The following SOX5 variants were observed in gnomAD, a reference collection of about 807,000 sequenced individuals.
The protein encoded by SOX5 is SRY-box transcription factor 5, also known as transcription factor SOX-5.
In SOX5, 9 loss-of-function variants were observed where a neutral mutation model predicts 92.0. That is an observed-to-expected ratio of 0.10 (90% CI 0.06 to 0.17). The LOEUF (loss-of-function observed/expected upper bound fraction) is 0.17, where lower values mean the gene tolerates loss of function less well. Among genes scored for constraint, SOX5 ranks in the 10% least tolerant of loss-of-function variants. The pLI is 1.00. For synonymous variants in SOX5, 344 were observed against 336.3 expected, an observed-to-expected ratio of 1.02 and a Z score of -0.25; for missense variants, 642 against 944.5, an observed-to-expected ratio of 0.68 and a Z score of 4.20.
At chr12:23,813,351 C>T (rs200223730) in intron 3 of SOX5, among the ~76,000 whole-genome samples, 1 of 152,028 alleles carries the variant, frequency 6.6e-6, no homozygotes, top group East Asian at 1.9e-4. Flanking sequence ...CTCTCTCCCA[C>T]GCACATAACT....
intron 4 of SOX5, among the ~76,000 whole-genome samples, chr12:24,022,787 G>T (rs1423237570): frequency 1.3e-5 from 2 of 152,046 alleles, no homozygotes; most frequent in African/African-American, 4.8e-5. Flanking sequence ...AAATTAAACT[G>T]AAAAGCATTT....
chr12:23,577,176 C>CACATATATATAT (rs1273547543), intron 9 of SOX5, among the ~76,000 whole-genome samples: 1 of 76,968 alleles, frequency 1.3e-5, no homozygotes, highest in African/African-American at 4.8e-5. Context: ...CACACACACA[C>CACATATATATAT]ATATATATAT....
At chr12:23,974,528 T>C (rs941996745) in intron 4 of SOX5, among the ~76,000 whole-genome samples, 1 of 152,218 alleles carries the variant, frequency 6.6e-6, no homozygotes, top group African/African-American at 2.4e-5. Context: ...GGAATCAGCA[T>C]AGATAAAGTC....
At position 24,339,878 on chromosome 12, in the gene SOX5, G is replaced by A. The variant is rs1952373003; in HGVS notation, c.-174+28685C>T. Among the ~76,000 whole-genome samples the A allele has an allele frequency of 2.0e-5, 3 of 152,352 alleles. No homozygotes were observed. In the South Asian group the frequency reaches 6.2e-4, roughly 32 times the overall value. The stretch of plus-strand genomic sequence containing the variant: ...ACAATTGAGCCACTTCTGGAAAGAG[G>A]AAATTCCCTCAGCTGAAAGGCACTG... On this transcript the variant is annotated intron_variant, in intron 2 of 4. Coordinates refer to the SOX5 transcript ENST00000446891.
At chr12:23,562,951 T>C (rs1946467878) in intron 11 of SOX5, among the ~76,000 whole-genome samples, 2 of 152,208 alleles carry the variant, frequency 1.3e-5, no homozygotes, top group Non-Finnish European at 2.9e-5. Flanking sequence ...TAAGCATCTC[T>C]GAAAAGCAAA....
chr12:23,770,779 C>T (rs1348813793), intron 3 of SOX5, among the ~76,000 whole-genome samples: 1 of 152,100 alleles, frequency 6.6e-6, no homozygotes, highest in African/African-American at 2.4e-5. Flanking sequence ...CATTCTTTAT[C>T]CCATGCAGTT....
intron 6 of SOX5, among the ~76,000 whole-genome samples, chr12:23,720,860 T>A (rs12827848): frequency 1.3e-5 from 2 of 151,862 alleles, no homozygotes; most frequent in Non-Finnish European, 2.9e-5. Context: ...CTCGGCACAA[T>A]TGCTCTTATT....
At chr12:24,181,701 T>C (rs12367227) in intron 4 of SOX5, among the ~76,000 whole-genome samples, 22,568 of 152,134 alleles carry the variant, frequency 0.15, 1,970 homozygotes, top group African/African-American at 0.23. Context: ...ATTGTTATTG[T>C]TGTTTTTCTA....
At chr12:24,208,251 T>A (rs2139636691) in intron 4 of SOX5, among the ~76,000 whole-genome samples, 1 of 152,260 alleles carries the variant, frequency 6.6e-6, no homozygotes, top group Non-Finnish European at 1.5e-5. Context: ...CAGAGTGACA[T>A]CATAAGAATT....
At chr12:24,015,496 A>G (rs1351163526) in intron 4 of SOX5, among the ~76,000 whole-genome samples, 1 of 152,176 alleles carries the variant, frequency 6.6e-6, no homozygotes, top group East Asian at 1.9e-4. Context: ...GTGACACAGA[A>G]CATTATTGTT....
intron 1 of SOX5, among the ~76,000 whole-genome samples, chr12:23,904,846 C>A (rs977160666): frequency 1.3e-5 from 2 of 152,148 alleles, no homozygotes; most frequent in African/African-American, 2.4e-5. Flanking sequence ...TCTTCACCAC[C>A]TTTTTGCTCT....
intron 6 of SOX5, among the ~76,000 whole-genome samples, chr12:23,714,019 G>T (rs958327219): frequency 9.3e-5 from 14 of 150,834 alleles, no homozygotes; most frequent in Admixed American, 9.3e-4. Context: ...TTGAACCTAG[G>T]GGGCAGAGGT....
intron 4 of SOX5, among the ~76,000 whole-genome samples, chr12:24,124,295 T>C (rs1183071479): frequency 6.6e-6 from 1 of 152,162 alleles, no homozygotes; most frequent in Non-Finnish European, 1.5e-5. Context: ...ACCATCTGCA[T>C]AGAAATTACT....
intron 2 of SOX5, among the ~76,000 whole-genome samples, chr12:24,346,136 T>A (rs550982316): frequency 6.6e-6 from 1 of 152,348 alleles, no homozygotes; most frequent in South Asian, 2.1e-4. Context: ...TAGATTCAGG[T>A]CCTTTTATTG....
intron 4 of SOX5, among the ~76,000 whole-genome samples, chr12:24,027,818 C>T (rs1592470964): frequency 1.3e-5 from 2 of 151,914 alleles, no homozygotes; most frequent in Admixed American, 1.3e-4. Flanking sequence ...AGTCACCATC[C>T]TCAATCCATT....
chr12:24,185,874 C>T (rs147143775), intron 4 of SOX5, among the ~76,000 whole-genome samples: 1 of 152,088 alleles, frequency 6.6e-6, no homozygotes, highest in Non-Finnish European at 1.5e-5. Flanking sequence ...TAATAACATT[C>T]GTTGAATGAA....
Position 23,915,575 on chromosome 12 carries a change from A to G in SOX5, c.39-19551T>C, listed in dbSNP as rs189121939. Among the ~76,000 whole-genome samples, 105 of 152,194 alleles carry G rather than the reference A, an allele frequency of 6.9e-4. 1 individual carries two copies. The highest frequency in any genetic ancestry group is 1.3e-4 in the Non-Finnish European group (9 of 67,972). On this transcript the variant is annotated intron_variant, in intron 1 of 14. Transcript: ENST00000451604. ...TTAGTTTCAATTAAGTTTAAAACAA[A>G]TCACTTGAATGACACCGAGAACTAT...
intron 4 of SOX5, among the ~76,000 whole-genome samples, chr12:23,973,274 C>A (rs948352473): frequency 6.6e-6 from 1 of 150,882 alleles, no homozygotes; most frequent in African/African-American, 2.4e-5. Context: ...TGACTTCCTG[C>A]CTCAGCCTCC....
intron 3 of SOX5, among the ~76,000 whole-genome samples, chr12:24,246,710 G>A (rs2140118469): frequency 6.6e-6 from 1 of 152,156 alleles, no homozygotes; most frequent in East Asian, 1.9e-4. Context: ...TTCTTTTTGG[G>A]CCATGTTTAC....
Sources: allele counts gnomAD v4.1 joint callset (sites outside exome capture counted in the v4.1 genomes callset), GRCh38; gene constraint gnomAD v4.1.1; transcripts MANE v1.5; gene names NCBI Gene and HGNC (gene_info 2026-07-23, HGNC 2026-07-21).